Variants in TNPO1 observed in about 807,000 individuals in gnomAD.
TNPO1 encodes the protein transportin 1.
In TNPO1, 8 loss-of-function variants were observed where a neutral mutation model predicts 119.5. The ratio of observed to expected loss-of-function variants is 0.07; its 90% CI spans 0.04 to 0.12. TNPO1 has a LOEUF of 0.12. Ranked by LOEUF, TNPO1 falls within the 10% of genes least tolerant of loss-of-function variation. The probability of loss-of-function intolerance (pLI) is 1.00; values close to 1 mark genes in which losing one functional copy is unlikely to be tolerated. For missense variants in TNPO1, 576 were observed against 1,089.8 expected, an observed-to-expected ratio of 0.53 and a Z score of 6.64; for synonymous variants, 362 against 363.0, an observed-to-expected ratio of 1.00 and a Z score of 0.03.
intron 22 of TNPO1, among the ~76,000 whole-genome samples, chr5:72,902,325 A>G (rs754719118): frequency 2.3e-4 from 35 of 152,112 alleles, no homozygotes; most frequent in Non-Finnish European, 4.6e-4. Context: ...TAGAAACGTT[A>G]ATTCTGTTTT....
In TNPO1 at chr5:72,876,545, G is replaced by A. The variant is rs778518072; in HGVS notation, c.802-683G>A. The stretch of plus-strand genomic sequence containing the variant: ...AGTATGTATATGTCACTTTAAATAC[G>A]TGAAAGTCTATATACAAGAGACAGC... On this transcript the variant is annotated intron_variant, in intron 8 of 24. Coordinates refer to ENST00000337273, the MANE Select transcript of TNPO1 (RefSeq NM_002270.4). 3.9e-5 allele frequency among the ~76,000 whole-genome samples: 6 copies of A among 152,044 alleles called. No individual in the cohort carries two copies. The East Asian group carries it at 7.7e-4, about 20-fold the overall frequency.
At chr5:72,821,565 C>G (rs1337382014) in intron 1 of TNPO1, among the ~76,000 whole-genome samples, 1 of 151,918 alleles carries the variant, frequency 6.6e-6, no homozygotes, top group Non-Finnish European at 1.5e-5. Context: ...CATAGCAGAA[C>G]TAGGAAATGA....
intron 1 of TNPO1, among the ~76,000 whole-genome samples, chr5:72,847,149 G>A (rs1263303532): frequency 1.3e-5 from 2 of 152,022 alleles, no homozygotes; most frequent in Admixed American, 1.3e-4. Context: ...AAAAATAAGA[G>A]TGAAAGAGAG....
Position 72,886,977 on chromosome 5 carries a change from A to G in TNPO1, c.1151-93A>G, listed in dbSNP as rs1284107435. The G allele has an allele frequency of 1.4e-5, 16 of 1,160,506 alleles. No homozygotes were observed. The Admixed American group carries it at 2.1e-4, about 16-fold the overall frequency. 71.9% of individuals were successfully genotyped at this position (1,160,506 alleles called of 1,614,324 possible). On this transcript the variant is annotated intron_variant, in intron 11 of 24. Coordinates refer to ENST00000337273, the MANE Select transcript of TNPO1 (RefSeq NM_002270.4). ...TTGAATTCTTATTTTAAAACTCCGT[A>G]TTAGAGATACGAATAAAATGTTACA... is the stretch of plus-strand genomic sequence containing the variant.
intron 4 of TNPO1, among the ~76,000 whole-genome samples, chr5:72,858,562 G>A (rs769964924): frequency 8.5e-5 from 13 of 152,164 alleles, no homozygotes; most frequent in Non-Finnish European, 1.6e-4. Context: ...TATTGGCCAG[G>A]TGCGGTGGCT....
At chr5:72,893,921 C>G (rs923947640) in intron 18 of TNPO1, among the ~76,000 whole-genome samples, 5 of 152,130 alleles carry the variant, frequency 3.3e-5, no homozygotes, top group African/African-American at 1.2e-4. Context: ...TTTAGGTACT[C>G]CTGTGACTGG....
chr5:72,819,025 G>A (rs1002547487), intron 1 of TNPO1, among the ~76,000 whole-genome samples: 5 of 152,186 alleles, frequency 3.3e-5, no homozygotes, highest in African/African-American at 1.2e-4. Flanking sequence ...GCCTTAATCC[G>A]TATTGTGTTG....
At chr5:72,872,584 A>C in intron 6 of TNPO1, 55 bp from the exon 7 acceptor site, 1 of 1,285,300 alleles carries the variant, frequency 7.8e-7, no homozygotes, top group Non-Finnish European at 1.1e-6. Flanking sequence ...CCAATTTTCT[A>C]TAGATAGAAC....
chr5:72,826,916 A>G (rs955198171), intron 1 of TNPO1, among the ~76,000 whole-genome samples: 1 of 152,176 alleles, frequency 6.6e-6, no homozygotes, highest in African/African-American at 2.4e-5. Context: ...TTTAGCAATG[A>G]GAAACAGTCA....
In TNPO1 at chr5:72,910,504, A is replaced by G. The variant is rs1249889098; in HGVS notation, c.*1831A>G. On this transcript the variant is annotated 3_prime_UTR_variant, in exon 25 of 25. Transcript: ENST00000337273. ...ATTTTTCTTTTTAACTCTGCTGGTC[A>G]GAGATGAAGCCACGCCTTTCCATTT... The G allele has an allele frequency of 6.6e-6, 1 of 152,664 alleles. No homozygotes were observed. Among genetic ancestry groups the G allele is most frequent in the East Asian group, 1.9e-4 (1 of 5,206 alleles). 9.5% of individuals were successfully genotyped at this position (152,664 alleles called of 1,614,324 possible).
intron 7 of TNPO1, among the ~76,000 whole-genome samples, chr5:72,873,131 G>A (rs1289914007): frequency 6.6e-6 from 1 of 152,014 alleles, no homozygotes; most frequent in Non-Finnish European, 1.5e-5. Context: ...CAGACTACAA[G>A]GACAGTATTT....
At chr5:72,841,402 G>A (rs908139626) in intron 1 of TNPO1, among the ~76,000 whole-genome samples, 1 of 152,118 alleles carries the variant, frequency 6.6e-6, no homozygotes, top group African/African-American at 2.4e-5. Flanking sequence ...ACAGGCGTGA[G>A]CCACCGCGCC....
intron 4 of TNPO1, among the ~76,000 whole-genome samples, chr5:72,856,654 A>G (rs922271187): frequency 2.6e-5 from 4 of 152,080 alleles, no homozygotes; most frequent in African/African-American, 4.8e-5. Flanking sequence ...GATTTTTACT[A>G]TTTTCTCCCT....
chr5:72,869,733 T>C (rs1362897014), intron 6 of TNPO1, among the ~76,000 whole-genome samples: 3 of 152,224 alleles, frequency 2.0e-5, no homozygotes, highest in African/African-American at 7.2e-5. Flanking sequence ...TATTTTCTTA[T>C]AATCTATAAG....
intron 1 of TNPO1, among the ~76,000 whole-genome samples, chr5:72,837,459 A>G (rs1744733274): frequency 6.6e-6 from 1 of 152,206 alleles, no homozygotes; most frequent in Non-Finnish European, 1.5e-5. Context: ...CTTCATGACA[A>G]TGGCAGTCCA....
chr5:72,906,546 T>A (rs1002720703), intron 24 of TNPO1, among the ~76,000 whole-genome samples: 2 of 152,106 alleles, frequency 1.3e-5, no homozygotes, highest in Non-Finnish European at 2.9e-5. Flanking sequence ...CACCTCGGCC[T>A]CCCAAAGTGC....
chr5:72,850,564 G>A (rs1324693309), intron 2 of TNPO1, among the ~76,000 whole-genome samples: 1 of 151,218 alleles, frequency 6.6e-6, no homozygotes, highest in Non-Finnish European at 1.5e-5. Context: ...TTAGGGGTTG[G>A]GAGTCAGGGC....
At chr5:72,903,822 G>A (rs1263908104) in intron 23 of TNPO1, 39 bp downstream of exon 23, 6 of 1,315,968 alleles carry the variant, frequency 4.6e-6, no homozygotes, top group Non-Finnish European at 5.3e-6. Context: ...TCTTGAGACT[G>A]TTAATATCCT....
chr5:72,892,212 A>T (rs2112458458), intron 15 of TNPO1, among the ~76,000 whole-genome samples: 1 of 152,186 alleles, frequency 6.6e-6, no homozygotes, highest in East Asian at 1.9e-4. Context: ...TATGTTGAGT[A>T]GTGGGATTTG....
Sources: gnomAD v4.1 joint callset for allele counts (sites outside exome capture counted in the v4.1 genomes callset) on GRCh38, gnomAD v4.1.1 for gene constraint, MANE v1.5 for transcripts, NCBI Gene and HGNC (gene_info 2026-07-23, HGNC 2026-07-21) for gene names.